The following RALGPS1 variants were observed in gnomAD, a reference collection of about 807,000 sequenced individuals.
The protein encoded by RALGPS1 is ras-specific guanine nucleotide-releasing factor RalGPS1.
RALGPS1 carries 19 observed loss-of-function variants against 78.8 expected under a neutral mutation model. The observed-to-expected ratio is 0.24, with a 90% CI of 0.17 to 0.35. The LOEUF (loss-of-function observed/expected upper bound fraction) is 0.35. Ranked by LOEUF, RALGPS1 falls within the 10% of genes least tolerant of loss-of-function variation. The probability of loss-of-function intolerance (pLI) is 1.00; values close to 1 mark genes in which losing one functional copy is unlikely to be tolerated. For missense variants in RALGPS1, 454 were observed against 688.3 expected, an observed-to-expected ratio of 0.66 and a Z score of 3.81; for synonymous variants, 228 against 256.3, an observed-to-expected ratio of 0.89 and a Z score of 1.06.
rs976239268 is a variant in RALGPS1, at chr9:127,184,578, C to T, written c.910+9796C>T. On this transcript the variant is annotated intron_variant, in intron 11 of 18. Transcript: ENST00000259351. ...GGAGAGGGCCTGAGTCCTTGGGAAC[C>T]GGATTCTCAGCCTGGGCAGGAGAAA... Among the ~76,000 whole-genome samples the T allele has an allele frequency of 3.3e-5, 5 of 152,292 alleles. No individual in the cohort carries two copies. The South Asian group carries it at 6.2e-4, about 19-fold the overall frequency.
intron 1 of RALGPS1, among the ~76,000 whole-genome samples, chr9:126,958,827 T>C (rs1219012692): frequency 1.3e-5 from 2 of 152,212 alleles, no homozygotes; most frequent in African/African-American, 4.8e-5. Flanking sequence ...TTTAACTTTT[T>C]AAGAGAATAC....
chr9:126,930,578 G>C (rs2035701774), intron 1 of RALGPS1, among the ~76,000 whole-genome samples: 1 of 152,116 alleles, frequency 6.6e-6, no homozygotes. Context: ...GTGTAGCTAG[G>C]ATTACAGGCC....
At chr9:127,031,385 C>T (rs2046419899) in intron 4 of RALGPS1, among the ~76,000 whole-genome samples, 1 of 152,224 alleles carries the variant, frequency 6.6e-6, no homozygotes. Flanking sequence ...TTAGCACAGA[C>T]AGAATGGTCA....
At chr9:127,013,890 C>T (rs2044585376) in intron 4 of RALGPS1, among the ~76,000 whole-genome samples, 1 of 152,216 alleles carries the variant, frequency 6.6e-6, no homozygotes, top group Admixed American at 6.5e-5. Context: ...TGCTAGTCCC[C>T]CCACTTCAGC....
At chr9:127,174,313 GAAA>G (rs768239500) in intron 10 of RALGPS1, among the ~76,000 whole-genome samples, 3 of 135,976 alleles carry the variant, frequency 2.2e-5, no homozygotes, top group Non-Finnish European at 1.5e-5. Context: ...AAGAAAGAAA[GAAA>G]AAAAAAGAAA....
At chr9:127,065,277 C>G (rs1363282198) in intron 7 of RALGPS1, among the ~76,000 whole-genome samples, 1 of 152,086 alleles carries the variant, frequency 6.6e-6, no homozygotes, top group Non-Finnish European at 1.5e-5. Context: ...CCAGGCCTGG[C>G]TAATTTTTGT....
At chr9:127,207,041 G>A (rs2061973078) in intron 14 of RALGPS1, among the ~76,000 whole-genome samples, 1 of 152,032 alleles carries the variant, frequency 6.6e-6, no homozygotes, top group African/African-American at 2.4e-5. Context: ...GAATAAATGA[G>A]ATGCTGAGCG....
chr9:127,093,836 A>G (rs1409839542), intron 8 of RALGPS1: 1 of 1,614,050 alleles, frequency 6.2e-7, no homozygotes. Context: ...CCACACCTGC[A>G]TGAGGCGGTT....
intron 8 of RALGPS1, among the ~76,000 whole-genome samples, chr9:127,117,719 C>T (rs2055582391): frequency 6.6e-6 from 1 of 152,222 alleles, no homozygotes; most frequent in Admixed American, 6.5e-5. Context: ...TCATTCATTC[C>T]ACAGATATCT....
chr9:127,143,701 T>A (rs1346227358), intron 8 of RALGPS1, among the ~76,000 whole-genome samples: 2 of 152,206 alleles, frequency 1.3e-5, no homozygotes, highest in Non-Finnish European at 2.9e-5. Flanking sequence ...ACTCTGTGCT[T>A]CTGGGAGTAT....
At chr9:127,051,612 T>C (rs538944201) in intron 6 of RALGPS1, among the ~76,000 whole-genome samples, 5 of 152,320 alleles carry the variant, frequency 3.3e-5, no homozygotes, top group African/African-American at 1.2e-4. Flanking sequence ...TGTTACGAGA[T>C]GTATGAAATG....
At chr9:127,203,473 G>T (rs1218021632) in intron 14 of RALGPS1, among the ~76,000 whole-genome samples, 1 of 152,204 alleles carries the variant, frequency 6.6e-6, no homozygotes, top group Non-Finnish European at 1.5e-5. Flanking sequence ...GCCTTCTCGT[G>T]TGAGGCACAG....
chr9:126,945,060 C>G (rs553684518), intron 1 of RALGPS1, among the ~76,000 whole-genome samples: 84 of 152,324 alleles, frequency 5.5e-4, no homozygotes, highest in Non-Finnish European at 9.9e-4. Flanking sequence ...CCACAGGAGG[C>G]AGCCCAGGAG....
chr9:127,133,735 T>C (rs557950850), intron 8 of RALGPS1, among the ~76,000 whole-genome samples: 7 of 152,332 alleles, frequency 4.6e-5, no homozygotes, highest in South Asian at 2.1e-4. Flanking sequence ...ACTCTCCTGG[T>C]TTCTATGTGT....
intron 1 of RALGPS1, among the ~76,000 whole-genome samples, chr9:126,944,956 A>G (rs2037117235): frequency 6.6e-6 from 1 of 152,152 alleles, no homozygotes. Flanking sequence ...CTATTTGTCA[A>G]GCCTATAGAG....
intron 1 of RALGPS1, among the ~76,000 whole-genome samples, chr9:126,959,514 C>G (rs1444027772): frequency 6.6e-6 from 1 of 152,068 alleles, no homozygotes; most frequent in Non-Finnish European, 1.5e-5. Flanking sequence ...CAGCCCGTCT[C>G]CTCTCCTTGC....
At position 127,220,437 on chromosome 9, in the gene RALGPS1, T is replaced by C. The variant is rs2062742192; in HGVS notation, c.*1668T>C. The C allele has an allele frequency of 6.6e-6, 1 of 152,236 alleles. No individual in the cohort carries two copies. Among genetic ancestry groups the C allele is most frequent in the African/African-American group, 2.4e-5 (1 of 41,458 alleles). 9.4% of individuals were successfully genotyped at this position (152,236 alleles called of 1,614,324 possible). ...TTGTCACCAGGGCCTCATTTTGTAGTTGAGCCTTACAATGCTTAGTAGTTC... is the reference window on the plus strand; with the variant it reads ...TTGTCACCAGGGCCTCATTTTGTAGCTGAGCCTTACAATGCTTAGTAGTTC... On this transcript the variant is annotated 3_prime_UTR_variant, in exon 19 of 19. Transcript: ENST00000259351.
At chr9:127,088,953 T>C (rs533914458) in intron 8 of RALGPS1, 1 of 1,614,150 alleles carries the variant, frequency 6.2e-7, no homozygotes, top group South Asian at 1.1e-5. Flanking sequence ...TGGAAGGTGT[T>C]GGGGTTCGGT....
chr9:127,217,248 C>G (rs1346239745), intron 18 of RALGPS1: 13 of 1,204,286 alleles, frequency 1.1e-5, no homozygotes, highest in Admixed American at 4.3e-5. Flanking sequence ...GGGGATTTTT[C>G]TTCCTACTTT....
Sources: gnomAD v4.1 joint callset for allele counts (sites outside exome capture counted in the v4.1 genomes callset) on GRCh38, gnomAD v4.1.1 for gene constraint, MANE v1.5 for transcripts, NCBI Gene and HGNC (gene_info 2026-07-23, HGNC 2026-07-21) for gene names.